Variants in SGCZ observed in about 807,000 individuals in gnomAD.
SGCZ encodes sarcoglycan zeta, also known as zeta-sarcoglycan.
SGCZ carries 40 observed loss-of-function variants against 41.3 expected under a neutral mutation model. The observed-to-expected ratio is 0.97, with a 90% CI of 0.75 to 1.26. SGCZ has a LOEUF of 1.26. Ranked by LOEUF, SGCZ falls within the 50% of genes most tolerant of loss-of-function variation. The probability of loss-of-function intolerance (pLI) is 0.00; values close to 1 mark genes in which losing one functional copy is unlikely to be tolerated. For synonymous variants in SGCZ, 206 were observed against 137.5 expected, an observed-to-expected ratio of 1.50 and a Z score of -3.49; for missense variants, 552 against 369.8, an observed-to-expected ratio of 1.49 and a Z score of -4.04.
rs138648485 is a variant in SGCZ, at chr8:14,241,614, A to G, written c.337-3935T>C. Among the ~76,000 whole-genome samples the G allele has an allele frequency of 2.6e-4, 39 of 151,672 alleles. No homozygotes were observed. In the East Asian group the frequency reaches 6.4e-3, roughly 25 times the overall value. On this transcript the variant is annotated intron_variant, in intron 3 of 7. Coordinates refer to ENST00000382080, the MANE Select transcript of SGCZ (RefSeq NM_139167.4). ...TTTCCTCCAAGCCAATAAATCTCCTATAACAGAAATAAGGTATCTCATGGT... is the reference window on the plus strand; with the variant it reads ...TTTCCTCCAAGCCAATAAATCTCCTGTAACAGAAATAAGGTATCTCATGGT...
At position 14,751,403 on chromosome 8, in the gene SGCZ, G is replaced by A. The variant is rs147343604; in HGVS notation, c.40-196477C>T. Among the ~76,000 whole-genome samples, 7 of 152,138 alleles carry A rather than the reference G, an allele frequency of 4.6e-5. No individual in the cohort carries two copies. In the East Asian group the frequency reaches 1.2e-3, roughly 25 times the overall value. ...AGGATCTAGAGTATTTATACCATAT[G>A]ACATCTTATCTACCTTCTGATCAAA... On this transcript the variant is annotated intron_variant, in intron 1 of 7. Transcript: ENST00000382080.
intron 2 of SGCZ, among the ~76,000 whole-genome samples, chr8:14,545,372 TA>T (rs1803593689): frequency 1.3e-5 from 2 of 151,246 alleles, no homozygotes; most frequent in African/African-American, 4.9e-5. Context: ...AAACAACAAA[TA>T]AGACAATATT....
chr8:15,013,778 G>C (rs949268019), intron 1 of SGCZ, among the ~76,000 whole-genome samples: 4 of 152,124 alleles, frequency 2.6e-5, no homozygotes, highest in Non-Finnish European at 5.9e-5. Context: ...ATGAATAGTA[G>C]TTATAATTAA....
intron 1 of SGCZ, among the ~76,000 whole-genome samples, chr8:14,708,812 A>AGTGTGTGTGTGTGTGTGTGTGT (rs61049816): frequency 6.7e-6 from 1 of 148,584 alleles, no homozygotes; most frequent in African/African-American, 2.5e-5. Context: ...GTTTTATTCG[A>AGTGTGTGTGTGTGTGTGTGTGT]GTGTGTGTGT....
chr8:14,250,067 A>C (rs1034466809), intron 3 of SGCZ, among the ~76,000 whole-genome samples: 1 of 152,188 alleles, frequency 6.6e-6, no homozygotes, highest in African/African-American at 2.4e-5. Context: ...GTTGAAGCCT[A>C]AGATTCTGCA....
At chr8:14,486,468 A>G (rs988972424) in intron 2 of SGCZ, among the ~76,000 whole-genome samples, 1 of 152,242 alleles carries the variant, frequency 6.6e-6, no homozygotes, top group African/African-American at 2.4e-5. Context: ...CCTAAGTAAT[A>G]TATTCCCTAA....
At chr8:14,797,656 A>T (rs1041618249) in intron 1 of SGCZ, among the ~76,000 whole-genome samples, 2 of 152,236 alleles carry the variant, frequency 1.3e-5, no homozygotes, top group African/African-American at 4.8e-5. Context: ...TTATTCACCA[A>T]GACAATGGGG....
At chr8:15,144,274 G>C (rs1242201698) in intron 1 of SGCZ, among the ~76,000 whole-genome samples, 1 of 152,098 alleles carries the variant, frequency 6.6e-6, no homozygotes, top group Non-Finnish European at 1.5e-5. Context: ...TAATGTACTT[G>C]ATCCTATATA....
At chr8:14,294,210 A>G (rs1019604241) in intron 3 of SGCZ, among the ~76,000 whole-genome samples, 31 of 151,924 alleles carry the variant, frequency 2.0e-4, no homozygotes, top group Non-Finnish European at 4.0e-4. Flanking sequence ...TTTAATGATA[A>G]TGTCATAATA....
chr8:15,037,011 A>T (rs549684499), intron 1 of SGCZ, among the ~76,000 whole-genome samples: 2 of 152,310 alleles, frequency 1.3e-5, no homozygotes, highest in African/African-American at 4.8e-5. Flanking sequence ...ATCTCAACAG[A>T]AGCAGAAAAA....
chr8:14,447,085 G>C (rs908150085), intron 2 of SGCZ, among the ~76,000 whole-genome samples: 2 of 152,068 alleles, frequency 1.3e-5, no homozygotes, highest in African/African-American at 4.8e-5. Context: ...TGTTCTTAGA[G>C]TACATGAATT....
At chr8:15,090,755 A>T (rs1806127158) in intron 1 of SGCZ, among the ~76,000 whole-genome samples, 1 of 152,168 alleles carries the variant, frequency 6.6e-6, no homozygotes, top group Non-Finnish European at 1.5e-5. Flanking sequence ...CTAGTTTGGG[A>T]CTAATCTCAC....
At chr8:14,416,045 C>T (rs1585479488) in intron 2 of SGCZ, among the ~76,000 whole-genome samples, 1 of 152,016 alleles carries the variant, frequency 6.6e-6, no homozygotes, top group South Asian at 2.1e-4. Context: ...GTGAGGGCAA[C>T]TTATGTTAAT....
At position 14,617,877 on chromosome 8, in the gene SGCZ, C is replaced by T. The variant is rs1428053855; in HGVS notation, c.40-62951G>A. On this transcript the variant is annotated intron_variant, in intron 1 of 7. Transcript: ENST00000382080. The stretch of plus-strand genomic sequence containing the variant: ...GTGTGTGTGTGTGTGTGTGTGTGTG[C>T]CTTTAAAATGGAAAAATTACAGTCA... Among the ~76,000 whole-genome samples, 4 of 141,264 alleles carry T rather than the reference C, an allele frequency of 2.8e-5. No individual in the cohort carries two copies. In the East Asian group the frequency reaches 6.1e-4, roughly 22 times the overall value. 92.7% of individuals were successfully genotyped at this position (141,264 alleles called of 152,430 possible).
intron 1 of SGCZ, among the ~76,000 whole-genome samples, chr8:14,592,372 T>G (rs912148375): frequency 6.6e-6 from 1 of 152,166 alleles, no homozygotes. Flanking sequence ...TATTGTCATA[T>G]AGTCCAATGT....
intron 5 of SGCZ, among the ~76,000 whole-genome samples, chr8:14,155,151 G>T (rs1438983584): frequency 6.6e-6 from 1 of 152,168 alleles, no homozygotes; most frequent in African/African-American, 2.4e-5. Flanking sequence ...TACACAGCTG[G>T]CAAATGTCCA....
chr8:14,275,589 G>C (rs778623585), intron 3 of SGCZ, among the ~76,000 whole-genome samples: 3 of 152,060 alleles, frequency 2.0e-5, no homozygotes. Flanking sequence ...AAAAGGAAAG[G>C]GAGTATTCTT....
intron 1 of SGCZ, among the ~76,000 whole-genome samples, chr8:15,018,173 C>G (rs939647104): frequency 1.3e-5 from 2 of 152,188 alleles, no homozygotes; most frequent in Non-Finnish European, 2.9e-5. Flanking sequence ...AACCTACATC[C>G]TCTGGAATAT....
At chr8:15,131,480 T>A (rs962697601) in intron 1 of SGCZ, among the ~76,000 whole-genome samples, 4 of 152,242 alleles carry the variant, frequency 2.6e-5, no homozygotes, top group African/African-American at 9.6e-5. Context: ...TATGTCTTTA[T>A]CAGCAGTGTG....
Sources: allele counts gnomAD v4.1 joint callset (sites outside exome capture counted in the v4.1 genomes callset), GRCh38; gene constraint gnomAD v4.1.1; transcripts MANE v1.5; gene names NCBI Gene and HGNC (gene_info 2026-07-23, HGNC 2026-07-21).